The following FHIT variants were observed in gnomAD, a reference collection of about 807,000 sequenced individuals.
FHIT encodes the protein fragile histidine triad diadenosine triphosphatase.
A neutral mutation model predicts 17.9 loss-of-function variants in FHIT; 19 were observed. The observed-to-expected ratio is 1.06, with a 90% CI of 0.74 to 1.56. The LOEUF is 1.56. Ranked by LOEUF, FHIT falls within the 40% of genes most tolerant of loss-of-function variation. The pLI, the probability that FHIT is intolerant of heterozygous loss-of-function variation, is 0.00. For synonymous variants in FHIT, 81 were observed against 69.7 expected, an observed-to-expected ratio of 1.16 and a Z score of -0.81; for missense variants, 248 against 189.2, an observed-to-expected ratio of 1.31 and a Z score of -1.82.
At chr3:60,805,148 A>G (rs1448532197) in intron 4 of FHIT, among the ~76,000 whole-genome samples, 1 of 152,208 alleles carries the variant, frequency 6.6e-6, no homozygotes, top group African/African-American at 2.4e-5. Flanking sequence ...AAGGACTTTC[A>G]TAGTTGCTTT....
intron 5 of FHIT, among the ~76,000 whole-genome samples, chr3:60,281,715 C>T (rs1002003100): frequency 1.3e-5 from 2 of 150,380 alleles, no homozygotes; most frequent in African/African-American, 4.9e-5. Context: ...ATGAAAAATG[C>T]AAAATGTAAA....
intron 4 of FHIT, among the ~76,000 whole-genome samples, chr3:60,623,249 C>T (rs527640976): frequency 6.6e-6 from 1 of 152,324 alleles, no homozygotes; most frequent in East Asian, 1.9e-4. Context: ...TATGCCATCA[C>T]TTTATTTTCC....
At chr3:61,237,600 T>C (rs143176865) in intron 1 of FHIT, among the ~76,000 whole-genome samples, 272 of 152,332 alleles carry the variant, frequency 1.8e-3, no homozygotes, top group African/African-American at 6.2e-3. Context: ...AATGCATGTA[T>C]AACTGCTAGC....
At chr3:60,461,794 G>C (rs1029283798) in intron 5 of FHIT, among the ~76,000 whole-genome samples, 1 of 152,102 alleles carries the variant, frequency 6.6e-6, no homozygotes, top group Non-Finnish European at 1.5e-5. Flanking sequence ...AAGGATGGGG[G>C]ATCCCAAACA....
chr3:61,014,807 A>AAAAAAAAAAT (rs1553798839), intron 3 of FHIT, among the ~76,000 whole-genome samples: 29 of 49,082 alleles, frequency 5.9e-4, no homozygotes, highest in Non-Finnish European at 1.0e-3. Context: ...AAAAAAAAAA[A>AAAAAAAAAAT]ATATATATAT....
intron 4 of FHIT, among the ~76,000 whole-genome samples, chr3:60,705,537 G>A (rs559084542): frequency 5.9e-5 from 9 of 152,140 alleles, no homozygotes; most frequent in Non-Finnish European, 1.3e-4. Flanking sequence ...TATTGAATTC[G>A]GGTTTGAAAT....
chr3:60,228,873 C>T (rs923133095), intron 5 of FHIT, among the ~76,000 whole-genome samples: 3 of 151,992 alleles, frequency 2.0e-5, no homozygotes, highest in African/African-American at 7.3e-5. Flanking sequence ...TTATGTAATC[C>T]CCACAATAGT....
chr3:59,821,187 T>A (rs1242243864), intron 8 of FHIT, among the ~76,000 whole-genome samples: 1 of 152,092 alleles, frequency 6.6e-6, no homozygotes, highest in East Asian at 1.9e-4. Context: ...GGCAAGATAT[T>A]TGAGGAAGAA....
intron 5 of FHIT, among the ~76,000 whole-genome samples, chr3:60,520,628 T>C (rs963597149): frequency 1.3e-5 from 2 of 151,704 alleles, no homozygotes; most frequent in Admixed American, 6.6e-5. Flanking sequence ...GACCCCAGGA[T>C]TGCAGAGATG....
intron 4 of FHIT, among the ~76,000 whole-genome samples, chr3:60,564,805 C>A (rs2037075133): frequency 6.6e-6 from 1 of 152,108 alleles, no homozygotes; most frequent in South Asian, 2.1e-4. Context: ...ATGATGTGAA[C>A]ATTGTCGAAA....
At chr3:60,243,062 CT>C (rs1705216695) in intron 5 of FHIT, among the ~76,000 whole-genome samples, 1 of 141,826 alleles carries the variant, frequency 7.1e-6, no homozygotes, top group African/African-American at 2.7e-5. Flanking sequence ...CAGTCCAAAA[CT>C]AAAAAAAAAA....
chr3:60,791,171 T>C (rs782172164), intron 4 of FHIT, among the ~76,000 whole-genome samples: 4 of 152,034 alleles, frequency 2.6e-5, no homozygotes, highest in Non-Finnish European at 2.9e-5. Context: ...TGGCCCCTTA[T>C]CTTTCACCCC....
intron 5 of FHIT, among the ~76,000 whole-genome samples, chr3:60,239,097 A>T (rs1704972250): frequency 6.6e-6 from 1 of 152,196 alleles, no homozygotes; most frequent in African/African-American, 2.4e-5. Flanking sequence ...CAAAAGGTCA[A>T]ATTAACTTGA....
At chr3:60,009,699 T>C (rs1438174330) in intron 7 of FHIT, among the ~76,000 whole-genome samples, 3 of 152,230 alleles carry the variant, frequency 2.0e-5, no homozygotes, top group African/African-American at 7.2e-5. Context: ...TCAGTGGCTT[T>C]ATTATATTCA....
chr3:60,009,872 T>C (rs945172512), intron 7 of FHIT, among the ~76,000 whole-genome samples: 1 of 152,208 alleles, frequency 6.6e-6, no homozygotes, highest in Non-Finnish European at 1.5e-5. Flanking sequence ...GCAAATATTT[T>C]CTATCCCGCT....
chr3:60,188,711 C>T (rs1702271295), intron 5 of FHIT, among the ~76,000 whole-genome samples: 1 of 152,110 alleles, frequency 6.6e-6, no homozygotes, highest in South Asian at 2.1e-4. Context: ...AACATTGAAT[C>T]TATTTCTATT....
At position 60,423,258 on chromosome 3, in the gene FHIT, T is replaced by C. The variant is rs147007542; in HGVS notation, c.103+113602A>G. 2.0e-3 allele frequency among the ~76,000 whole-genome samples: 300 copies of C among 152,246 alleles called. 2 individuals carry two copies. Among genetic ancestry groups the C allele is most frequent in the African/African-American group, 6.6e-3 (276 of 41,560 alleles). ...AAAGAGAATTCAGATTTCACTGCAC[T>C]GGTGAATCAACCAACCCTGAAGCCC... On this transcript the variant is annotated intron_variant, in intron 5 of 9. Coordinates refer to ENST00000492590, the MANE Select transcript of FHIT (RefSeq NM_002012.4).
intron 5 of FHIT, among the ~76,000 whole-genome samples, chr3:60,418,233 A>T (rs75154358): frequency 6.6e-6 from 1 of 151,770 alleles, no homozygotes; most frequent in Admixed American, 6.6e-5. Flanking sequence ...AGAAATCAAA[A>T]AGGCTTCAGA....
At chr3:60,861,942 CA>C (rs36022063) in intron 3 of FHIT, among the ~76,000 whole-genome samples, 225 of 80,096 alleles carry the variant, frequency 2.8e-3, no homozygotes, top group South Asian at 7.3e-3. Context: ...GACTCGGTCT[CA>C]AAAAAAAAAA....
Sources: gnomAD v4.1 joint callset for allele counts (sites outside exome capture counted in the v4.1 genomes callset) on GRCh38, gnomAD v4.1.1 for gene constraint, MANE v1.5 for transcripts, NCBI Gene and HGNC (gene_info 2026-07-23, HGNC 2026-07-21) for gene names.